Variants in DLC1 observed in about 807,000 individuals in gnomAD.
DLC1 encodes the protein DLC1 Rho GTPase activating protein.
Under a neutral mutation model 140.3 loss-of-function variants are expected in DLC1, and 54 were observed. The ratio of observed to expected loss-of-function variants is 0.38; its 90% confidence interval spans 0.31 to 0.48. DLC1 has a LOEUF of 0.48. DLC1 is among the 20% of genes least tolerant of loss of function. The pLI, the probability that DLC1 is intolerant of heterozygous loss-of-function variation, is 0.96. For missense variants in DLC1, 2,536 were observed against 1,907.0 expected, an observed-to-expected ratio of 1.33 and a Z score of -6.14; for synonymous variants, 986 against 728.1, an observed-to-expected ratio of 1.35 and a Z score of -5.70.
chr8:13,294,103 C>T (rs1252379345), intron 5 of DLC1, among the ~76,000 whole-genome samples: 3 of 152,064 alleles, frequency 2.0e-5, no homozygotes, highest in Non-Finnish European at 4.4e-5. Context: ...TGTGCTCTGC[C>T]CATTCATTCC....
chr8:13,515,807 A>T (rs552475902), upstream of DLC1: 1 of 152,356 alleles, frequency 6.6e-6, no homozygotes, highest in East Asian at 1.9e-4. Flanking sequence ...AACTGCAAGT[A>T]TGGCTTTAAT....
intron 5 of DLC1, among the ~76,000 whole-genome samples, chr8:13,218,626 C>T (rs1024459084): frequency 1.3e-5 from 2 of 151,362 alleles, no homozygotes; most frequent in African/African-American, 4.9e-5. Context: ...AGGAAAATCA[C>T]AAGTATTGGT....
At chr8:13,399,918 G>A (rs1332502605) in intron 3 of DLC1, among the ~76,000 whole-genome samples, 1 of 152,106 alleles carries the variant, frequency 6.6e-6, no homozygotes, top group African/African-American at 2.4e-5. Context: ...AATTCACAGT[G>A]AAGTATGAGG....
intron 5 of DLC1, among the ~76,000 whole-genome samples, chr8:13,165,222 G>A (rs1482518335): frequency 2.0e-5 from 3 of 152,086 alleles, no homozygotes; most frequent in Admixed American, 6.5e-5. Flanking sequence ...GGTGTTTTGT[G>A]TATTTGTTTG....
intron 5 of DLC1, among the ~76,000 whole-genome samples, chr8:13,247,851 A>G (rs1328990724): frequency 2.6e-5 from 4 of 152,274 alleles, no homozygotes; most frequent in Non-Finnish European, 5.9e-5. Context: ...TACTAATATT[A>G]TAGCTGGCCC....
At chr8:13,093,966 C>T (rs944966238) in intron 12 of DLC1, among the ~76,000 whole-genome samples, 2 of 152,170 alleles carry the variant, frequency 1.3e-5, no homozygotes, top group African/African-American at 4.8e-5. Flanking sequence ...GTATTGTTCT[C>T]CCAAGTATTT....
chr8:13,247,872 T>C (rs578094446), intron 5 of DLC1, among the ~76,000 whole-genome samples: 15 of 152,364 alleles, frequency 9.8e-5, no homozygotes, highest in African/African-American at 3.6e-4. Flanking sequence ...CATAGTGCTA[T>C]CCATAACCGC....
intron 1 of DLC1, among the ~76,000 whole-genome samples, chr8:13,582,257 T>G (rs1390111811): frequency 6.6e-6 from 1 of 152,200 alleles, no homozygotes; most frequent in East Asian, 1.9e-4. Flanking sequence ...ACATTTTGCA[T>G]ACACTCTCTT....
At chr8:13,204,466 A>G (rs1441637693) in intron 5 of DLC1, among the ~76,000 whole-genome samples, 1 of 152,232 alleles carries the variant, frequency 6.6e-6, no homozygotes, top group Non-Finnish European at 1.5e-5. Context: ...ATGAGCAAGG[A>G]TTAAATTTCA....
chr8:13,329,864 T>C (rs1833515080), intron 4 of DLC1, among the ~76,000 whole-genome samples: 1 of 147,364 alleles, frequency 6.8e-6, no homozygotes, highest in African/African-American at 2.4e-5. Flanking sequence ...TATTGATTGA[T>C]ATATACACAA....
chr8:13,334,395 A>G (rs1337077404), intron 4 of DLC1, among the ~76,000 whole-genome samples: 1 of 152,116 alleles, frequency 6.6e-6, no homozygotes, highest in Admixed American at 6.5e-5. Flanking sequence ...GAGGAGTTTT[A>G]TGTTGGCAGA....
At chr8:13,229,558 T>G (rs1478889363) in intron 5 of DLC1, among the ~76,000 whole-genome samples, 1 of 151,896 alleles carries the variant, frequency 6.6e-6, no homozygotes, top group Non-Finnish European at 1.5e-5. Flanking sequence ...AATTGTGTAC[T>G]TGAAATAGGT....
At chr8:13,582,916 ATATG>A (rs1309654719) in intron 1 of DLC1, among the ~76,000 whole-genome samples, 5 of 121,252 alleles carry the variant, frequency 4.1e-5, no homozygotes, top group African/African-American at 1.6e-4. Flanking sequence ...ATATATATAT[ATATG>A]TGGTGTAATA....
chr8:13,276,233 C>G (rs1424944460), intron 5 of DLC1: 4 of 1,534,336 alleles, frequency 2.6e-6, no homozygotes, highest in Non-Finnish European at 3.5e-6. Flanking sequence ...CCCCTCACCC[C>G]CGGTCTCCAA....
chr8:13,235,557 C>T (rs1181014679), intron 5 of DLC1, among the ~76,000 whole-genome samples: 1 of 151,926 alleles, frequency 6.6e-6, no homozygotes, highest in African/African-American at 2.4e-5. Context: ...TTTTCTTGTA[C>T]AAATGAAAAC....
chr8:13,269,742 A>G (rs1830845758), intron 5 of DLC1, among the ~76,000 whole-genome samples: 1 of 150,796 alleles, frequency 6.6e-6, no homozygotes, highest in South Asian at 2.1e-4. Context: ...TTATAATTAA[A>G]ACTAAGTAAT....
At chr8:13,345,546 A>ATTTTTTTTTTT in intron 4 of DLC1, among the ~76,000 whole-genome samples, 2 of 44,654 alleles carry the variant, frequency 4.5e-5, no homozygotes, top group Non-Finnish European at 7.8e-5. Context: ...TTTCACTCAC[A>ATTTTTTTTTTT]CTTTTTTTTT....
At chr8:13,328,373 G>A (rs1373364200) in intron 4 of DLC1, among the ~76,000 whole-genome samples, 1 of 152,090 alleles carries the variant, frequency 6.6e-6, no homozygotes, top group African/African-American at 2.4e-5. Flanking sequence ...GGAGAGAGAG[G>A]TGTATTTTGG....
intron 5 of DLC1, among the ~76,000 whole-genome samples, chr8:13,141,985 T>C (rs1447898388): frequency 6.6e-6 from 1 of 152,110 alleles, no homozygotes; most frequent in Non-Finnish European, 1.5e-5. Context: ...TACTGGGAAA[T>C]GATTGGATTA....
Sources: allele counts gnomAD v4.1 joint callset (sites outside exome capture counted in the v4.1 genomes callset), GRCh38; gene constraint gnomAD v4.1.1; transcripts MANE v1.5; gene names NCBI Gene and HGNC (gene_info 2026-07-23, HGNC 2026-07-21).